Variants in ABL1 observed in about 807,000 individuals in gnomAD.
ABL1 encodes ABL proto-oncogene 1, non-receptor tyrosine kinase, also known as tyrosine-protein kinase ABL1.
In ABL1, 11 loss-of-function variants were observed where a neutral mutation model predicts 94.7. The observed-to-expected ratio is 0.12, with a 90% CI of 0.07 to 0.19. ABL1 has a LOEUF of 0.19. ABL1 is among the 10% of genes least tolerant of loss of function. The pLI is 1.00. For synonymous variants in ABL1, 656 were observed against 622.4 expected, an observed-to-expected ratio of 1.05 and a Z score of -0.80; for missense variants, 1,082 against 1,489.4, an observed-to-expected ratio of 0.73 and a Z score of 4.50.
chr9:130,783,695 G>A (rs186997503), intron 1 of ABL1, among the ~76,000 whole-genome samples: 263 of 151,996 alleles, frequency 1.7e-3, no homozygotes, highest in African/African-American at 6.0e-3. Context: ...TCGCTCTGTC[G>A]CCCAGGCTGG....
chr9:130,812,279 TGA>T (rs1830220351), intron 1 of ABL1, among the ~76,000 whole-genome samples: 1 of 151,316 alleles, frequency 6.6e-6, no homozygotes, highest in African/African-American at 2.4e-5. Context: ...GAGGATCACT[TGA>T]GCCCAGGAGT....
In ABL1 at chr9:130,880,129, A is replaced by C; in HGVS notation, c.1485A>C (p.Thr495=). The change falls in exon 9 of 11, where the codon ACA becomes ACC. Residue 495 remains threonine, a synonymous_variant. Transcript: ENST00000318560. This position sits in a 1 kb window ranked among gnomAD's most constrained non-coding sequence, Gnocchi z 4.4. ...CTGAAATCCACCAAGCCTTTGAAACAATGTTCCAGGAATCCAGTATCTCAG... is the reference window on the plus strand; with the variant it reads ...CTGAAATCCACCAAGCCTTTGAAACCATGTTCCAGGAATCCAGTATCTCAG... The part of the protein sequence containing the change: ...SFAEIHQAFE[T]MFQESSISDE... 1.2e-6 allele frequency: 2 copies of C among 1,614,130 alleles called. No homozygotes were observed. Among genetic ancestry groups the C allele is most frequent in the Non-Finnish European group, 1.7e-6 (2 of 1,180,016 alleles).
chr9:130,758,074 A>T (rs1832063634), intron 1 of ABL1, among the ~76,000 whole-genome samples: 1 of 152,100 alleles, frequency 6.6e-6, no homozygotes, highest in Non-Finnish European at 1.5e-5. Context: ...TTGCTAACTT[A>T]TATCAAGCAC....
chr9:130,828,333 G>T (rs1360845520), intron 1 of ABL1, among the ~76,000 whole-genome samples: 1 of 151,518 alleles, frequency 6.6e-6, no homozygotes, highest in Admixed American at 6.6e-5. Context: ...CCCCCAAAGG[G>T]CTGGGATTAT....
chr9:130,773,135 G>A (rs113947943), intron 1 of ABL1, among the ~76,000 whole-genome samples: 1 of 152,032 alleles, frequency 6.6e-6, no homozygotes, highest in Non-Finnish European at 1.5e-5. Context: ...AGCCTGACCA[G>A]CATGGAGAAA....
At chr9:130,843,160 C>T (rs1279911170) in intron 1 of ABL1, among the ~76,000 whole-genome samples, 1 of 152,206 alleles carries the variant, frequency 6.6e-6, no homozygotes, top group Non-Finnish European at 1.5e-5. Flanking sequence ...GCAGGGTGTT[C>T]CACATCTGAG....
intron 10 of ABL1, among the ~76,000 whole-genome samples, chr9:130,882,307 T>G (rs901726474): frequency 3.3e-5 from 5 of 152,216 alleles, no homozygotes; most frequent in African/African-American, 7.2e-5. Flanking sequence ...AACTGAGTGG[T>G]GCATAATTCA....
Position 130,874,898 on chromosome 9 carries a change from G to A in ABL1, c.1116G>A (p.Gly372=). ...TTGCTGCCCGAAACTGCCTGGTAGG[G>A]GAGAACCACTTGGTGAAGGTAGCTG... ...RDLAARNCLV[G]ENHLVKVADF... The change falls in exon 7 of 11, where the codon GGG becomes GGA. Residue 372 remains glycine (G), a synonymous_variant. Coordinates refer to ENST00000318560, the MANE Select transcript of ABL1 (RefSeq NM_005157.6). The A allele has an allele frequency of 6.2e-7, 1 of 1,614,168 alleles. No individual in the cohort carries two copies. The highest frequency in any genetic ancestry group is 8.5e-7 in the Non-Finnish European group (1 of 1,180,022).
intron 1 of ABL1, among the ~76,000 whole-genome samples, chr9:130,839,104 G>A (rs1247573527): frequency 6.6e-6 from 1 of 151,022 alleles, no homozygotes; most frequent in Non-Finnish European, 1.5e-5. Flanking sequence ...GTAGAGACAG[G>A]GTCTCACTAT....
chr9:130,817,367 G>A (rs1363172975), intron 1 of ABL1, among the ~76,000 whole-genome samples: 4 of 152,218 alleles, frequency 2.6e-5, no homozygotes, highest in Non-Finnish European at 5.9e-5. Flanking sequence ...ACTGGTCCAA[G>A]CAAGCATTAG....
In ABL1 at chr9:130,884,495, G is replaced by A. The variant is rs143823709; in HGVS notation, c.2205G>A (p.Thr735=). The A allele has an allele frequency of 1.8e-5, 29 of 1,613,148 alleles. No homozygotes were observed. The highest frequency in any genetic ancestry group is 1.1e-4 in the East Asian group (5 of 44,880). ...GAKDTEWRSV[T]LPRDLQSTGR... is the part of the protein sequence containing the mutation. ...AGGACACGGAGTGGAGGTCAGTCAC[G>A]CTGCCTCGGGACTTGCAGTCCACGG... is the stretch of plus-strand genomic sequence containing the variant. Residue 735 remains threonine (T), a synonymous_variant, in exon 11 of 11, where the codon ACG becomes ACA. Transcript: ENST00000318560. The surrounding 1 kb of genome is among the most constrained non-coding windows in gnomAD (Gnocchi z 5.6).
intron 1 of ABL1, among the ~76,000 whole-genome samples, chr9:130,735,955 A>ATTT (rs1365601952): frequency 7.2e-5 from 3 of 41,498 alleles, no homozygotes; most frequent in Admixed American, 3.1e-4. Context: ...ATATATATAT[A>ATTT]TATATATTTT....
At chr9:130,763,980 G>C (rs561934257) in intron 1 of ABL1, among the ~76,000 whole-genome samples, 23 of 152,246 alleles carry the variant, frequency 1.5e-4, no homozygotes, top group South Asian at 8.3e-4. Context: ...ACATAATGGG[G>C]GCAGGGAACG....
intron 1 of ABL1, among the ~76,000 whole-genome samples, chr9:130,769,155 G>T (rs1251803327): frequency 6.6e-6 from 1 of 152,104 alleles, no homozygotes; most frequent in African/African-American, 2.4e-5. Flanking sequence ...TTGTTGTATA[G>T]TTAGATCAAT....
chr9:130,812,271 G>A (rs1208070527), intron 1 of ABL1, among the ~76,000 whole-genome samples: 1 of 151,222 alleles, frequency 6.6e-6, no homozygotes, highest in Non-Finnish European at 1.5e-5. Context: ...TACGGTGGGA[G>A]GATCACTTGA....
At chr9:130,802,870 G>A (rs1830074761) in intron 1 of ABL1, among the ~76,000 whole-genome samples, 1 of 152,052 alleles carries the variant, frequency 6.6e-6, no homozygotes, top group African/African-American at 2.4e-5. Flanking sequence ...TTCTTGGCTG[G>A]GTTTGAACAC....
chr9:130,842,987 G>C (rs796834635), intron 1 of ABL1, among the ~76,000 whole-genome samples: 7 of 152,302 alleles, frequency 4.6e-5, no homozygotes, highest in African/African-American at 1.7e-4. Flanking sequence ...TTATATTTCA[G>C]TCAAAACAAA....
At chr9:130,816,422 C>T (rs990801935) in intron 1 of ABL1, among the ~76,000 whole-genome samples, 2 of 152,044 alleles carry the variant, frequency 1.3e-5, no homozygotes, top group Non-Finnish European at 2.9e-5. Context: ...GATCCTCCTG[C>T]CTCAGCTTCC....
At chr9:130,805,617 G>A (rs1399408299) in intron 1 of ABL1, among the ~76,000 whole-genome samples, 1 of 152,214 alleles carries the variant, frequency 6.6e-6, no homozygotes, top group Admixed American at 6.5e-5. Flanking sequence ...TGGCTTCAGA[G>A]AGATAGGAAG....
Sources: allele counts gnomAD v4.1 joint callset (sites outside exome capture counted in the v4.1 genomes callset), GRCh38; gene constraint gnomAD v4.1.1; non-coding constraint Gnocchi (gnomAD v3.1); transcripts MANE v1.5; gene names NCBI Gene and HGNC (gene_info 2026-07-23, HGNC 2026-07-21).